The following MYO18A variants were observed in gnomAD, a reference collection of about 807,000 sequenced individuals.
The protein encoded by MYO18A is unconventional myosin-XVIIIa.
Under a neutral mutation model 235.8 loss-of-function variants are expected in MYO18A, and 78 were observed. The ratio of observed to expected loss-of-function variants is 0.33; its 90% CI spans 0.28 to 0.40. The LOEUF (loss-of-function observed/expected upper bound fraction) is 0.40. Among genes scored for constraint, MYO18A ranks in the 10% least tolerant of loss-of-function variants. The probability of loss-of-function intolerance (pLI) is 1.00; values close to 1 mark genes in which losing one functional copy is unlikely to be tolerated. For missense variants in MYO18A, 2,215 were observed against 2,699.3 expected (o/e 0.82, Z 3.98); for synonymous variants, 977 against 1,077.8 (o/e 0.91, Z 1.83).
rs532944708 is a variant in MYO18A, at chr17:29,089,999, G to C, written c.5488C>G (p.Arg1830Gly). Residue 1830 changes from arginine (R) to glycine (G), a missense_variant, in exon 37 of 42, where the codon CGC becomes GGC. Arg to Gly is a moderately radical substitution (Grantham distance 125). Transcript: ENST00000527372. The part of the protein sequence containing the change: ...QEAKIRELET[R>G]LEFERTQVKR... Reference sequence around the variant, plus strand: ...ACTTGCGTCCTTTCAAACTCCAGGCGTGTCTCCAGCTCCCGTATCTTAGCT... The same window carrying C: ...ACTTGCGTCCTTTCAAACTCCAGGCCTGTCTCCAGCTCCCGTATCTTAGCT... 1.9e-6 allele frequency: 3 copies of C among 1,614,056 alleles called. No homozygotes were observed. The highest frequency in any genetic ancestry group is 1.1e-5 in the South Asian group (1 of 91,088).
chr17:29,114,612 G>A (rs2067012131), intron 14 of MYO18A, among the ~76,000 whole-genome samples: 1 of 152,178 alleles, frequency 6.6e-6, no homozygotes, highest in African/African-American at 2.4e-5. Flanking sequence ...CTTGGAGCAG[G>A]AACCACACAG....
chr17:29,089,569 A>G lies in MYO18A; in HGVS notation c.5526+392T>C, dbSNP rs529155461. On this transcript the variant is annotated intron_variant, in intron 37 of 41. Coordinates refer to ENST00000527372, the MANE Select transcript of MYO18A (RefSeq NM_078471.4). ...ATGAAGCAGGGAAGGGGAGAGGAGC[A>G]GAGCGAGGGCAGATGAGAGAACAGA... 1.3e-4 allele frequency among the ~76,000 whole-genome samples: 19 copies of G among 151,826 alleles called. No individual in the cohort carries two copies. The South Asian group carries it at 3.5e-3, about 28-fold the overall frequency.
intron 1 of MYO18A, among the ~76,000 whole-genome samples, chr17:29,173,268 T>C (rs1439313804): frequency 6.6e-6 from 1 of 151,346 alleles, no homozygotes; most frequent in African/African-American, 2.4e-5. Context: ...AATTTTGTAT[T>C]TTTAGTAGAG....
At chr17:29,098,517 T>G in intron 23 of MYO18A, 72 bp from the exon 24 acceptor site, 1 of 1,544,802 alleles carries the variant, frequency 6.5e-7, no homozygotes, top group Non-Finnish European at 8.9e-7. Context: ...TCTGCACCCC[T>G]GTAGTGAACG....
At chr17:29,143,443 T>TGTTGCC (rs2067785697) in intron 2 of MYO18A, among the ~76,000 whole-genome samples, 1 of 148,210 alleles carries the variant, frequency 6.7e-6, no homozygotes, top group African/African-American at 2.5e-5. Context: ...GGCTTCCCTA[T>TGTTGCC]GTTGCCCAGG....
chr17:29,089,997 G>A lies in MYO18A; in HGVS notation c.5490C>T (p.Arg1830=), dbSNP rs777610081. The A allele has an allele frequency of 1.2e-6, 2 of 1,614,076 alleles. No homozygotes were observed. Among genetic ancestry groups the A allele is most frequent in the Non-Finnish European group, 1.7e-6 (2 of 1,179,904 alleles). Residue 1830 remains arginine (R), a synonymous_variant, in exon 37 of 42, where the codon CGC becomes CGT. Transcript: ENST00000527372. The part of the protein sequence containing the change: ...QEAKIRELET[R]LEFERTQVKR... ...TCACTTGCGTCCTTTCAAACTCCAGGCGTGTCTCCAGCTCCCGTATCTTAG... is the reference window on the plus strand; with the variant it reads ...TCACTTGCGTCCTTTCAAACTCCAGACGTGTCTCCAGCTCCCGTATCTTAG...
chr17:29,166,826 T>C lies in MYO18A; in HGVS notation c.115A>G (p.Met39Val). 6.3e-7 allele frequency: 1 copy of C among 1,594,246 alleles called. No individual in the cohort carries two copies. The highest frequency in any genetic ancestry group is 8.5e-7 in the Non-Finnish European group (1 of 1,171,092). ...SAAELRSLEE[M>V]SLRRGFFNLN... is the part of the protein sequence containing the mutation. The stretch of plus-strand genomic sequence containing the variant: ...TTGAAGAAGCCACGTCGCAGGCTCA[T>C]CTCCTCCAGGCTCCGAAGCTCTGCC... The change falls in exon 2 of 42, where the codon ATG becomes GTG. Residue 39 changes from methionine (M) to valine (V), a missense_variant. Met to Val is a conservative substitution (Grantham distance 21, BLOSUM62 1). Coordinates refer to ENST00000527372, the MANE Select transcript of MYO18A (RefSeq NM_078471.4).
At chr17:29,153,490 C>T (rs1657744081) in intron 2 of MYO18A, among the ~76,000 whole-genome samples, 1 of 152,190 alleles carries the variant, frequency 6.6e-6, no homozygotes. Flanking sequence ...AAATGAGGCA[C>T]AGAGGAATTA....
intron 1 of MYO18A, among the ~76,000 whole-genome samples, chr17:29,171,564 T>C (rs965126194): frequency 6.6e-6 from 1 of 152,218 alleles, no homozygotes; most frequent in African/African-American, 2.4e-5. Context: ...AATATACTGA[T>C]GTCTACGTTT....
chr17:29,151,141 G>A (rs2067956943), intron 2 of MYO18A, among the ~76,000 whole-genome samples: 1 of 152,028 alleles, frequency 6.6e-6, no homozygotes, highest in Non-Finnish European at 1.5e-5. Context: ...GGAGGGGGAG[G>A]TGGGAGGATC....
At chr17:29,153,927 G>A (rs994910131) in intron 2 of MYO18A, among the ~76,000 whole-genome samples, 1 of 152,156 alleles carries the variant, frequency 6.6e-6, no homozygotes, top group Non-Finnish European at 1.5e-5. Context: ...GGGGCTGGGG[G>A]AGGACCCCAA....
chr17:29,131,361 G>A, intron 2 of MYO18A: 1 of 982,838 alleles, frequency 1.0e-6, no homozygotes, highest in Non-Finnish European at 1.2e-6. Context: ...GCATGCCTCG[G>A]AGAACTCAAG....
At chr17:29,122,329 G>A in intron 2 of MYO18A, 76 bp from the exon 3 acceptor site, 1 of 1,361,262 alleles carries the variant, frequency 7.3e-7, no homozygotes. Context: ...GGGGAGACAA[G>A]TGAGGGCATG....
In MYO18A at chr17:29,111,881, A is replaced by T. The variant is rs2066937632; in HGVS notation, c.2599-18T>A. The T allele has an allele frequency of 6.2e-7, 1 of 1,601,998 alleles. No homozygotes were observed. The highest frequency in any genetic ancestry group is 2.2e-5 in the East Asian group (1 of 44,730). On this transcript the variant is annotated intron_variant, in intron 15 of 41. Transcript: ENST00000527372. The surrounding 1 kb of genome is among the most constrained non-coding windows in gnomAD (Gnocchi z 5.1). ...GAGCGGACCTACAGAGAAGGAAGGA[A>T]ATCCCTCCTTGTCATATGGAGCTGT...
At position 29,109,085 on chromosome 17, in the gene MYO18A, C is replaced by T. The variant is rs918865482; in HGVS notation, c.3331+773G>A. ...GGGACCTGGCTGTGGGTGGGTGGGACCCTACCTGCTCTTCTAGTGAAGGAG... is the reference window on the plus strand; with the variant it reads ...GGGACCTGGCTGTGGGTGGGTGGGATCCTACCTGCTCTTCTAGTGAAGGAG... On this transcript the variant is annotated intron_variant, in intron 19 of 41. Transcript: ENST00000527372. This position sits in a 1 kb window ranked among gnomAD's most constrained non-coding sequence, Gnocchi z 4.1. Among the ~76,000 whole-genome samples, 3 of 151,840 alleles carry T rather than the reference C, an allele frequency of 2.0e-5. No individual in the cohort carries two copies. Among genetic ancestry groups the T allele is most frequent in the Non-Finnish European group, 4.4e-5 (3 of 67,958 alleles).
At position 29,118,407 on chromosome 17, in the gene MYO18A, G is replaced by A. The variant is rs2152847905; in HGVS notation, c.1863C>T (p.Asn621=). ...CCAGTGGCACAATCCCAAACACATT[G>A]TTCTCTGCCAAGTGGTTGAGGTGGA... ...TELHLNHLAE[N]NVFGIVPLAK... is the part of the protein sequence containing the mutation. Residue 621 remains asparagine, a synonymous_variant, in exon 9 of 42, where the codon AAC becomes AAT. Transcript: ENST00000527372. The surrounding 1 kb of genome is among the most constrained non-coding windows in gnomAD (Gnocchi z 4.2). The A allele has an allele frequency of 6.2e-7, 1 of 1,607,048 alleles. No homozygotes were observed. Among genetic ancestry groups the A allele is most frequent in the East Asian group, 2.2e-5 (1 of 44,666 alleles).
rs140067858 is a variant in MYO18A at position 29,091,698 on chromosome 17, A to G, written c.5187+645T>C. Reference sequence around the variant, plus strand: ...GCCCGTGAGATTGGCATCTCTCAGCAGCTAGGTGACTAGCTCAGGGGCCAT... The same window carrying G: ...GCCCGTGAGATTGGCATCTCTCAGCGGCTAGGTGACTAGCTCAGGGGCCAT... On this transcript the variant is annotated intron_variant, in intron 34 of 41. Transcript: ENST00000527372. The G allele has an allele frequency of 1.7e-3, 768 of 454,586 alleles. 1 individual carries two copies. The highest frequency in any genetic ancestry group is 2.8e-3 in the Non-Finnish European group (639 of 226,752). 28.2% of individuals were successfully genotyped at this position (454,586 alleles called of 1,614,324 possible).
Position 29,126,314 on chromosome 17 carries a change from G to A in MYO18A, c.1000-4061C>T, listed in dbSNP as rs868400969. ...CCCTTGTGAGAGGAGGAGGGACGGG[G>A]AGGAGGGACGGGGAGGAGGGAGGGG... On this transcript the variant is annotated intron_variant, in intron 2 of 41. Transcript: ENST00000527372. This position sits in a 1 kb window ranked among gnomAD's most constrained non-coding sequence, Gnocchi z 4.1. 3.1e-3 allele frequency among the ~76,000 whole-genome samples: 468 copies of A among 150,132 alleles called. 3 individuals carry two copies. Among genetic ancestry groups the A allele is most frequent in the Non-Finnish European group, 4.4e-3 (294 of 67,264 alleles).
At chr17:29,089,080 A>G (rs1218445585) in intron 37 of MYO18A, among the ~76,000 whole-genome samples, 1 of 151,586 alleles carries the variant, frequency 6.6e-6, no homozygotes, top group Non-Finnish European at 1.5e-5. Flanking sequence ...GAGAGAATGA[A>G]CCTTATAATA....
Sources: gnomAD v4.1 joint callset for allele counts (sites outside exome capture counted in the v4.1 genomes callset) on GRCh38, gnomAD v4.1.1 for gene constraint, Gnocchi (gnomAD v3.1) non-coding constraint, MANE v1.5 for transcripts, NCBI Gene and HGNC (gene_info 2026-07-23, HGNC 2026-07-21) for gene names.